The following CARD14 variants were observed in gnomAD, a reference collection of about 807,000 sequenced individuals.
CARD14 encodes caspase recruitment domain-containing protein 14.
In CARD14, 107 loss-of-function variants were observed where a neutral mutation model predicts 111.5. The ratio of observed to expected loss-of-function variants is 0.96; its 90% CI spans 0.82 to 1.13. The LOEUF is 1.13. Among genes scored for constraint, CARD14 ranks in the 50% most tolerant of loss-of-function variants. The pLI, the probability that CARD14 is intolerant of heterozygous loss-of-function variation, is 0.00. For missense variants in CARD14, 1,322 were observed against 1,362.3 expected (o/e 0.97, Z 0.47); for synonymous variants, 617 against 579.6 (o/e 1.06, Z -0.93).
chr17:80,191,071 A>C (rs2040511105), intron 10 of CARD14, among the ~76,000 whole-genome samples, 172 bp downstream of exon 10: 1 of 152,212 alleles, frequency 6.6e-6, no homozygotes, highest in Admixed American at 6.5e-5. Flanking sequence ...CCTGTTGTCC[A>C]CATGCTGTCT....
At chr17:80,204,768 T>G in intron 20 of CARD14, 1 of 461,674 alleles carries the variant, frequency 2.2e-6, no homozygotes, top group African/African-American at 2.0e-5. Flanking sequence ...CATCCTCCCT[T>G]GGGCCTATAG....
chr17:80,185,119 A>G (rs2040302857), intron 7 of CARD14, among the ~76,000 whole-genome samples: 1 of 152,122 alleles, frequency 6.6e-6, no homozygotes, highest in Non-Finnish European at 1.5e-5. Flanking sequence ...CAGTGGTACA[A>G]TCCTAGCTCA....
Position 80,192,622 on chromosome 17 carries a change from A to G in CARD14, c.1356+3A>G, listed in dbSNP as rs1482884028. On this transcript the variant is annotated splice_donor_region_variant and intron_variant, in intron 12 of 23. Coordinates refer to ENST00000648509, the MANE Select transcript of CARD14 (RefSeq NM_001366385.1). ...GCAGCCTCGTCAGCTCCACAGAGGT[A>G]CGGCCGCTCCTCCCGCCTCCCTCAC... 6.2e-7 allele frequency: 1 copy of G among 1,607,458 alleles called. No homozygotes were observed. Among genetic ancestry groups the G allele is most frequent in the Admixed American group, 1.7e-5 (1 of 59,946 alleles).
intron 22 of CARD14, 166 bp downstream of exon 22, chr17:80,205,818 C>A: frequency 4.9e-6 from 3 of 607,772 alleles, no homozygotes; most frequent in South Asian, 5.0e-5. Flanking sequence ...CTCATCTCAG[C>A]CAGTTAGGAT....
chr17:80,202,297 G>C lies in CARD14; in HGVS notation c.2096G>C (p.Cys699Ser). The C allele has an allele frequency of 1.2e-6, 2 of 1,613,818 alleles. No individual in the cohort carries two copies. The highest frequency in any genetic ancestry group is 1.7e-6 in the Non-Finnish European group (2 of 1,180,040). ...GCCAAAGGGGAGCTGCAGGTGCATT[G>C]CAACGAGGTCCTGCACGTCACCGAC... is the stretch of plus-strand genomic sequence containing the variant. The part of the protein sequence containing the change: ...GRAKGELQVH[C>S]NEVLHVTDTM... The change falls in exon 18 of 24, where the codon TGC (cysteine) becomes TCC (serine). Residue 699 changes from cysteine (C) to serine (S), a missense_variant. Cys to Ser is a moderately radical substitution (Grantham distance 112). Transcript: ENST00000648509.
At chr17:80,199,365 G>A (rs2040848784) in intron 16 of CARD14, among the ~76,000 whole-genome samples, 1 of 151,644 alleles carries the variant, frequency 6.6e-6, no homozygotes, top group South Asian at 2.1e-4. Flanking sequence ...GTGGGCGCCT[G>A]CATGGTCAGG....
At position 80,181,462 on chromosome 17, in the gene CARD14, C is replaced by T; in HGVS notation, c.24C>T (p.Asp8=). MGELCRR[D]SALTALDEET... is the part of the protein sequence containing the mutation. ...CCATGGGGGAACTGTGCCGCAGGGA[C>T]TCCGCACTCACGGCACTGGACGAGG... Residue 8 remains aspartate (D), a synonymous_variant, in exon 5 of 24, where the codon GAC becomes GAT. Transcript: ENST00000648509. The T allele has an allele frequency of 6.3e-7, 1 of 1,580,142 alleles. No homozygotes were observed. The highest frequency in any genetic ancestry group is 8.6e-7 in the Non-Finnish European group (1 of 1,162,908).
chr17:80,202,394 G>T lies in CARD14; in HGVS notation c.2193G>T (p.Ala731=). ...VNSYTMKDTA[A]HGTIPNYSRA... is the part of the protein sequence containing the mutation. ...CTTACACCATGAAGGATACTGCCGC[G>T]CACGGCACCATCCCCAACTACTCCA... The change falls in exon 18 of 24, where the codon GCG becomes GCT. Residue 731 remains alanine (A), a synonymous_variant. Coordinates refer to ENST00000648509, the MANE Select transcript of CARD14 (RefSeq NM_001366385.1). The T allele has an allele frequency of 1.9e-6, 3 of 1,612,880 alleles. No individual in the cohort carries two copies. Among genetic ancestry groups the T allele is most frequent in the Non-Finnish European group, 2.5e-6 (3 of 1,179,900 alleles).
Position 80,208,156 on chromosome 17 carries a change from G to C in CARD14, c.2826G>C (p.Leu942Phe), listed in dbSNP as rs2041450692. The C allele has an allele frequency of 6.5e-7, 1 of 1,544,376 alleles. No individual in the cohort carries two copies. The highest frequency in any genetic ancestry group is 8.7e-7 in the Non-Finnish European group (1 of 1,143,422). Residue 942 changes from leucine (L) to phenylalanine (F), a missense_variant, in exon 24 of 24, where the codon TTG (leucine) becomes TTC (phenylalanine). Leu to Phe is a conservative substitution (Grantham distance 22). Coordinates refer to ENST00000648509, the MANE Select transcript of CARD14 (RefSeq NM_001366385.1). The part of the protein sequence containing the change: ...AKKLKKGLQR[L>F]GTSEEQLLEA... ...TGTGCAGGAAGGGCCTACAGCGGTTGGGCACCTCAGAGGAGCAGCTCCTGG... is the reference window on the plus strand; with the variant it reads ...TGTGCAGGAAGGGCCTACAGCGGTTCGGCACCTCAGAGGAGCAGCTCCTGG...
Position 80,182,578 on chromosome 17 carries a change from G to A in CARD14, c.212-75G>A, listed in dbSNP as rs1422754109. On this transcript the variant is annotated intron_variant, in intron 5 of 23. Coordinates refer to ENST00000648509, the MANE Select transcript of CARD14 (RefSeq NM_001366385.1). The surrounding 1 kb of genome is among the most constrained non-coding windows in gnomAD (Gnocchi z 4.7). ...TTTCCCAGCCCCAGGCCTCTCCCCC[G>A]TGGGGAAGCCAGCCAGGGAGCCCAG... The A allele has an allele frequency of 1.5e-5, 24 of 1,566,078 alleles. No homozygotes were observed. The East Asian group carries it at 2.3e-4, about 15-fold the overall frequency.
chr17:80,187,375 T>A (rs932236352), intron 7 of CARD14, among the ~76,000 whole-genome samples: 1 of 152,270 alleles, frequency 6.6e-6, no homozygotes, highest in Non-Finnish European at 1.5e-5. Flanking sequence ...AGTCACTGTA[T>A]CTTCGTTCTC....
At chr17:80,184,983 G>C (rs1348043340) in intron 7 of CARD14, among the ~76,000 whole-genome samples, 4 of 152,154 alleles carry the variant, frequency 2.6e-5, no homozygotes, top group Admixed American at 6.5e-5. Context: ...GATTGGTAAG[G>C]CTTCTCAAAA....
intron 2 of CARD14, among the ~76,000 whole-genome samples, chr17:80,177,859 T>C (rs903598093): frequency 2.0e-5 from 3 of 152,100 alleles, no homozygotes; most frequent in Admixed American, 6.6e-5. Flanking sequence ...CCTCTTGTTA[T>C]AAGGGCACCC....
intron 9 of CARD14, among the ~76,000 whole-genome samples, chr17:80,190,336 C>T (rs532001414): frequency 5.3e-5 from 8 of 152,294 alleles, no homozygotes; most frequent in South Asian, 2.1e-4. Flanking sequence ...CGAGCGAGGC[C>T]GGGCGCGGTG....
Position 80,208,478 on chromosome 17 carries a change from G to A in CARD14, c.*133G>A. On this transcript the variant is annotated 3_prime_UTR_variant, in exon 24 of 24. Coordinates refer to ENST00000648509, the MANE Select transcript of CARD14 (RefSeq NM_001366385.1). ...GAGGCCGGCTCTCCCCACTGGCTGG[G>A]GTCTAACCTTGAACCCTCACCACGT... 4.9e-6 allele frequency: 4 copies of A among 814,312 alleles called. No individual in the cohort carries two copies. The highest frequency in any genetic ancestry group is 7.1e-4 in the Middle Eastern group (2 of 2,824). 50.4% of individuals were successfully genotyped at this position (814,312 alleles called of 1,614,324 possible). A position where few individuals can be genotyped will look rare whatever the true frequency, so the allele number is the denominator to read the frequency against.
rs2040779689 is a variant in CARD14, at chr17:80,198,022, TGAG to T, written c.1595-75_1595-73del. ...TGACCAAGATCTGTGAAGAAGGGGC[TGAG>T]GTTACAGGAGGTTACAGGACGCCCC... On this transcript the variant is annotated intron_variant, in intron 14 of 23. Transcript: ENST00000648509. The surrounding 1 kb of genome is among the most constrained non-coding windows in gnomAD (Gnocchi z 7.5). 7.0e-7 allele frequency: 1 copy of T among 1,431,602 alleles called. No individual in the cohort carries two copies. The highest frequency in any genetic ancestry group is 1.4e-5 in the African/African-American group (1 of 71,412). 88.7% of individuals were successfully genotyped at this position (1,431,602 alleles called of 1,614,324 possible). A position where few individuals can be genotyped will look rare whatever the true frequency, so the allele number is the denominator to read the frequency against.
At position 80,189,198 on chromosome 17, in the gene CARD14, A is replaced by T. The variant is rs977889391; in HGVS notation, c.844-555A>T. Reference sequence around the variant, plus strand: ...GGGGGAAAGAAACCTTTCTGCCTGGAAAGACTCCGCCCTCTGGGCCTCAGG... The same window carrying T: ...GGGGGAAAGAAACCTTTCTGCCTGGTAAGACTCCGCCCTCTGGGCCTCAGG... On this transcript the variant is annotated intron_variant, in intron 8 of 23. Coordinates refer to ENST00000648509, the MANE Select transcript of CARD14 (RefSeq NM_001366385.1). The surrounding 1 kb of genome is among the most constrained non-coding windows in gnomAD (Gnocchi z 4.7). Among the ~76,000 whole-genome samples the T allele has an allele frequency of 2.6e-5, 4 of 152,184 alleles. No individual in the cohort carries two copies. Among genetic ancestry groups the T allele is most frequent in the Admixed American group, 1.3e-4 (2 of 15,278 alleles).
chr17:80,188,733 A>C lies in CARD14; in HGVS notation c.843+189A>C. On this transcript the variant is annotated intron_variant, in intron 8 of 23. Coordinates refer to ENST00000648509, the MANE Select transcript of CARD14 (RefSeq NM_001366385.1). This position sits in a 1 kb window ranked among gnomAD's most constrained non-coding sequence, Gnocchi z 4.5. ...CTGTTCCCCAGACCCCAAAATTGGC[A>C]GAATTAAAAGCTGCTGGAACAGAAT... 1 of 485,136 alleles carries C rather than the reference A, an allele frequency of 2.1e-6. No homozygotes were observed. The highest frequency in any genetic ancestry group is 3.3e-6 in the Non-Finnish European group (1 of 304,626). The allele number at this position is 485,136 out of a possible 1,614,324, so 30.1% of individuals were successfully genotyped here.
At chr17:80,187,709 CGG>C in intron 7 of CARD14, 5 of 975,334 alleles carry the variant, frequency 5.1e-6, no homozygotes, top group Non-Finnish European at 6.1e-6. Flanking sequence ...GCTTGCCTCA[CGG>C]GGAAAGTCCT....
Sources: allele counts gnomAD v4.1 joint callset (sites outside exome capture counted in the v4.1 genomes callset), GRCh38; gene constraint gnomAD v4.1.1; non-coding constraint Gnocchi (gnomAD v3.1); transcripts MANE v1.5; gene names NCBI Gene and HGNC (gene_info 2026-07-23, HGNC 2026-07-21).